CCR9: variants seen among roughly 807,000 people sequenced by gnomAD.
The protein encoded by CCR9 is C-C chemokine receptor type 9.
CCR9 carries 4 observed loss-of-function variants against 8.7 expected under a neutral mutation model. The observed-to-expected ratio is 0.46, with a 90% confidence interval of 0.23 to 1.06. The LOEUF is 1.06. Among genes scored for constraint, CCR9 ranks in the 50% least tolerant of loss-of-function variants. CCR9 has a pLI of 0.21. For missense variants in CCR9, 394 were observed against 453.6 expected, an observed-to-expected ratio of 0.87 and a Z score of 1.19; for synonymous variants, 159 against 168.8, an observed-to-expected ratio of 0.94 and a Z score of 0.45.
intron 1 of CCR9, among the ~76,000 whole-genome samples, chr3:45,889,624 G>T (rs546905723): frequency 6.6e-6 from 1 of 151,866 alleles, no homozygotes; most frequent in South Asian, 2.1e-4. Flanking sequence ...GGTCACAGTG[G>T]TTCAGTCTCC....
Position 45,901,910 on chromosome 3 carries a change from T to A in CCR9, c.*12T>A. The stretch of plus-strand genomic sequence containing the variant: ...CACTCTCCCTCTGAGGGGTCTTCTC[T>A]GAGGTGCATGGTTCTTTTGGAAGAA... On this transcript the variant is annotated 3_prime_UTR_variant, in exon 3 of 3. Transcript: ENST00000357632. This position sits in a 1 kb window ranked among gnomAD's most constrained non-coding sequence, Gnocchi z 4.3. 1 of 1,553,394 alleles carries A rather than the reference T, an allele frequency of 6.4e-7. No individual in the cohort carries two copies. Among genetic ancestry groups the A allele is most frequent in the Non-Finnish European group, 8.7e-7 (1 of 1,148,082 alleles).
At position 45,890,310 on chromosome 3, in the gene CCR9, T is replaced by TATAAATATATATAAC. The variant is rs1702124263; in HGVS notation, c.-29+3658_-29+3659insAATATATATAACATA. On this transcript the variant is annotated intron_variant, in intron 1 of 2. Transcript: ENST00000357632. ...TATATAAATATATATATAACATATA[T>TATAAATATATATAAC]ATATATTTATATAAATATATATATA... Among the ~76,000 whole-genome samples, 2 of 63,014 alleles carry TATAAATATATATAAC rather than the reference T, an allele frequency of 3.2e-5. 1 individual carries two copies. The highest frequency in any genetic ancestry group is 1.7e-4 in the African/African-American group (2 of 12,026). 41.3% of individuals were successfully genotyped at this position (63,014 alleles called of 152,430 possible). A position where few individuals can be genotyped will look rare whatever the true frequency, so the allele number is the denominator to read the frequency against.
chr3:45,896,283 T>C (rs1017326602), intron 2 of CCR9, among the ~76,000 whole-genome samples: 2 of 152,224 alleles, frequency 1.3e-5, no homozygotes, highest in African/African-American at 4.8e-5. Context: ...TCTTGGATAA[T>C]AGCCAACTCT....
At chr3:45,899,123 G>A (rs140824475) in intron 2 of CCR9, among the ~76,000 whole-genome samples, 7 of 152,194 alleles carry the variant, frequency 4.6e-5, no homozygotes, top group African/African-American at 9.7e-5. Context: ...CCGAGATGGC[G>A]CCATTGCACT....
chr3:45,898,261 G>C (rs1364555824), intron 2 of CCR9, among the ~76,000 whole-genome samples: 1 of 152,148 alleles, frequency 6.6e-6, no homozygotes, highest in Non-Finnish European at 1.5e-5. Context: ...CAGGACGACT[G>C]TCTTAGTGGG....
intron 1 of CCR9, among the ~76,000 whole-genome samples, chr3:45,890,352 T>TATATATATATAAC (rs1559421680): frequency 0.09 from 1,451 of 16,152 alleles, 279 homozygotes; most frequent in Middle Eastern, 0.23. Context: ...ATATATAACA[T>TATATATATATAAC]ATATATATAT....
chr3:45,889,404 C>T (rs569816156), intron 1 of CCR9, among the ~76,000 whole-genome samples: 9 of 152,156 alleles, frequency 5.9e-5, no homozygotes, highest in South Asian at 2.1e-4. Context: ...GCTCTTTCTG[C>T]GGTAGCTGGA....
chr3:45,892,303 A>G (rs1702205558), intron 1 of CCR9, among the ~76,000 whole-genome samples: 2 of 152,220 alleles, frequency 1.3e-5, no homozygotes, highest in South Asian at 4.1e-4. Flanking sequence ...AAAACATGGA[A>G]TCAACCTAAA....
At chr3:45,890,284 T>TTATATATATATATATAACATATA (rs1702117235) in intron 1 of CCR9, among the ~76,000 whole-genome samples, 1 of 81,872 alleles carries the variant, frequency 1.2e-5, no homozygotes, top group East Asian at 3.2e-4. Context: ...ATATATATAT[T>TTATATATATATATATAACATATA]TATATAAATA....
rs1194685675 is a variant in CCR9, at chr3:45,901,810, C to T, written c.1022C>T (p.Ala341Val). 5.0e-6 allele frequency: 8 copies of T among 1,613,854 alleles called. No homozygotes were observed. Among genetic ancestry groups the T allele is most frequent in the Non-Finnish European group, 5.9e-6 (7 of 1,179,926 alleles). ...AAGAACTTGGGTTGCATCAGCCAGG[C>T]CCAGTGGGTTTCATTTACAAGGAGA... ...TLKNLGCISQ[A>V]QWVSFTRREG... is the part of the protein sequence containing the mutation. Residue 341 changes from alanine (A) to valine (V), a missense_variant, in exon 3 of 3, where the codon GCC (alanine) becomes GTC (valine). By Grantham distance (64) the Ala-to-Val change is moderately conservative. Transcript: ENST00000357632. The surrounding 1 kb of genome is among the most constrained non-coding windows in gnomAD (Gnocchi z 4.3).
At chr3:45,893,586 C>G (rs1702258692) in intron 1 of CCR9, among the ~76,000 whole-genome samples, 1 of 152,200 alleles carries the variant, frequency 6.6e-6, no homozygotes, top group Non-Finnish European at 1.5e-5. Flanking sequence ...GGTCTGGCTA[C>G]TTGGCATAAT....
At chr3:45,894,784 G>A (rs1450229529) in intron 1 of CCR9, 122 bp from the exon 2 acceptor site, 1 of 720,214 alleles carries the variant, frequency 1.4e-6, no homozygotes, top group East Asian at 2.6e-5. Context: ...TCTAACTCCT[G>A]CTTGGAATAT....
At chr3:45,897,562 C>T (rs932994037) in intron 2 of CCR9, 1 of 1,533,974 alleles carries the variant, frequency 6.5e-7, no homozygotes, top group Non-Finnish European at 8.7e-7. Context: ...CTCCTGCAGT[C>T]TCCTCCAGGC....
At chr3:45,895,985 G>A (rs1418528912) in intron 2 of CCR9, among the ~76,000 whole-genome samples, 2 of 152,342 alleles carry the variant, frequency 1.3e-5, no homozygotes, top group Middle Eastern at 3.4e-3. Context: ...GATCTATGGA[G>A]AGTGGTGGTT....
intron 1 of CCR9, among the ~76,000 whole-genome samples, chr3:45,892,909 G>T (rs571692305): frequency 6.6e-6 from 1 of 152,322 alleles, no homozygotes; most frequent in East Asian, 1.9e-4. Flanking sequence ...AGATGACACT[G>T]AGAAGTGAAG....
intron 2 of CCR9, among the ~76,000 whole-genome samples, chr3:45,899,912 A>T (rs1702490725): frequency 6.6e-6 from 1 of 152,158 alleles, no homozygotes. Context: ...GAAAAAGTGT[A>T]AGAAGTGTGT....
intron 2 of CCR9, among the ~76,000 whole-genome samples, chr3:45,899,093 G>A (rs1702463412): frequency 6.6e-6 from 1 of 152,252 alleles, no homozygotes; most frequent in Non-Finnish European, 1.5e-5. Flanking sequence ...TTGAACCTGG[G>A]AGGCGGAGGT....
chr3:45,890,256 G>GAAATATATATATATTTATAT lies in CCR9; in HGVS notation c.-29+3614_-29+3615insTTTATATAAATATATATATA, dbSNP rs1402612474. Among the ~76,000 whole-genome samples the GAAATATATATATATTTATAT allele has an allele frequency of 1.9e-4, 4 of 20,972 alleles. 1 individual carries two copies. The highest frequency in any genetic ancestry group is 8.4e-4 in the Admixed American group (1 of 1,194). 13.8% of individuals were successfully genotyped at this position (20,972 alleles called of 152,430 possible). ...GAGGTGACATAAGCCCTGGGTATTA[G>GAAATATATATATATTTATAT]AAATATATATATAACATATATATAT... On this transcript the variant is annotated intron_variant, in intron 1 of 2. Coordinates refer to ENST00000357632, the MANE Select transcript of CCR9 (RefSeq NM_031200.3).
Position 45,890,271 on chromosome 3 carries a change from C to CAT in CCR9, c.-29+3627_-29+3628dup, listed in dbSNP as rs371319572. On this transcript the variant is annotated intron_variant, in intron 1 of 2. Transcript: ENST00000357632. ...CTGGGTATTAGAAATATATATATAA[C>CAT]ATATATATATATTTATATAAATATA... 6.9e-3 allele frequency among the ~76,000 whole-genome samples: 71 copies of CAT among 10,342 alleles called. 16 individuals carry two copies. Among genetic ancestry groups the CAT allele is most frequent in the African/African-American group, 0.031 (70 of 2,234 alleles). The allele number at this position is 10,342 out of a possible 152,430, so 6.8% of individuals were successfully genotyped here. A position where few individuals can be genotyped will look rare whatever the true frequency, so the allele number is the denominator to read the frequency against.
Sources: allele counts gnomAD v4.1 joint callset (sites outside exome capture counted in the v4.1 genomes callset), GRCh38; gene constraint gnomAD v4.1.1; non-coding constraint Gnocchi (gnomAD v3.1); transcripts MANE v1.5; gene names NCBI Gene and HGNC (gene_info 2026-07-23, HGNC 2026-07-21).